Variants in VCAN observed in about 807,000 individuals in gnomAD.
VCAN encodes the protein versican.
VCAN carries 44 observed loss-of-function variants against 245.5 expected under a neutral mutation model. The ratio of observed to expected loss-of-function variants is 0.18; its 90% CI spans 0.14 to 0.23. The LOEUF is 0.23. Ranked by LOEUF, VCAN falls within the 10% of genes least tolerant of loss-of-function variation. VCAN has a pLI of 1.00. For synonymous variants in VCAN, 1,413 were observed against 1,437.0 expected, an observed-to-expected ratio of 0.98 and a Z score of 0.38; for missense variants, 3,793 against 4,057.9, an observed-to-expected ratio of 0.93 and a Z score of 1.77.
At chr5:83,526,648 G>A (rs1028282435) in intron 7 of VCAN, among the ~76,000 whole-genome samples, 1 of 152,118 alleles carries the variant, frequency 6.6e-6, no homozygotes, top group African/African-American at 2.4e-5. Context: ...TCAAAAATTG[G>A]TCTGATTATC....
chr5:83,525,959 C>T (rs1385878237), intron 7 of VCAN, among the ~76,000 whole-genome samples: 9 of 149,590 alleles, frequency 6.0e-5, no homozygotes, highest in East Asian at 2.0e-4. Context: ...TTTTTTTTTG[C>T]GACGGAGTCT....
chr5:83,579,029 C>A (rs1029635602), intron 13 of VCAN, among the ~76,000 whole-genome samples: 4 of 151,780 alleles, frequency 2.6e-5, no homozygotes, highest in Admixed American at 6.6e-5. Context: ...CAAGCTTTAC[C>A]CTCATTTGCC....
rs147222712 is a variant in VCAN at position 83,580,770 on chromosome 5, G to A, written c.*336G>A. The A allele has an allele frequency of 2.4e-4, 85 of 347,308 alleles. No homozygotes were observed. The highest frequency in any genetic ancestry group is 1.7e-3 in the African/African-American group (78 of 47,178). The allele number at this position is 347,308 out of a possible 1,614,324, so 21.5% of individuals were successfully genotyped here. On this transcript the variant is annotated 3_prime_UTR_variant, in exon 15 of 15. Coordinates refer to ENST00000265077, the MANE Select transcript of VCAN (RefSeq NM_004385.5). ...GCTCAATTTCAGCACCGATGGCCATGTAAATAAGATGATTTAATGTTGATT... is the reference window on the plus strand; with the variant it reads ...GCTCAATTTCAGCACCGATGGCCATATAAATAAGATGATTTAATGTTGATT...
At chr5:83,573,452 CG>C (rs1748366784) in intron 13 of VCAN, among the ~76,000 whole-genome samples, 3 of 151,926 alleles carry the variant, frequency 2.0e-5, no homozygotes, top group Admixed American at 6.6e-5. Flanking sequence ...TATGTGAGTC[CG>C]TGTCCCAATC....
In VCAN at chr5:83,541,226, G is replaced by A. The variant is rs762244250; in HGVS notation, c.8223G>A (p.Leu2741=). The change falls in exon 8 of 15, where the codon TTG becomes TTA. Residue 2741 remains leucine (L), a synonymous_variant. Transcript: ENST00000265077. ...IADQSEIIPT[L]GQFERTQEEY... is the part of the protein sequence containing the mutation. The stretch of plus-strand genomic sequence containing the variant: ...ACCAAAGTGAAATAATACCAACATT[G>A]GGCCAATTTGAAAGGACTCAGGAGG... The A allele has an allele frequency of 5.6e-6, 9 of 1,613,736 alleles. No individual in the cohort carries two copies. Among genetic ancestry groups the A allele is most frequent in the Non-Finnish European group, 7.6e-6 (9 of 1,179,992 alleles).
intron 12 of VCAN, among the ~76,000 whole-genome samples, chr5:83,557,873 A>C (rs16900582): frequency 0.03 from 4,626 of 152,240 alleles, 75 homozygotes; most frequent in Middle Eastern, 0.068. Context: ...CCTCAGTTTG[A>C]AGAAGACACA....
intron 7 of VCAN, chr5:83,536,074 T>C (rs975116307): frequency 2.6e-5 from 4 of 152,180 alleles, no homozygotes; most frequent in African/African-American, 9.7e-5. Flanking sequence ...GAAAAGGCCA[T>C]TGAGCTTAGT....
At chr5:83,547,540 T>A (rs1747276198) in intron 9 of VCAN, among the ~76,000 whole-genome samples, 1 of 152,100 alleles carries the variant, frequency 6.6e-6, no homozygotes, top group South Asian at 2.1e-4. Context: ...CTAGGGATGG[T>A]GAGGCCAGTT....
intron 13 of VCAN, among the ~76,000 whole-genome samples, chr5:83,576,873 G>A (rs1476441965): frequency 6.6e-6 from 1 of 151,946 alleles, no homozygotes; most frequent in Non-Finnish European, 1.5e-5. Flanking sequence ...CTTTTGTAAA[G>A]TTTCTGTTCA....
Position 83,473,590 on chromosome 5 carries a change from C to T in VCAN, c.-7+1567C>T, listed in dbSNP as rs116163138. Among the ~76,000 whole-genome samples, 1,504 of 152,284 alleles carry T rather than the reference C, an allele frequency of 9.9e-3. 14 individuals carry two copies. Among genetic ancestry groups the T allele is most frequent in the African/African-American group, 0.032 (1,344 of 41,556 alleles). The stretch of plus-strand genomic sequence containing the variant: ...TGGCTAGTGTGAAATCCCTGCCTTT[C>T]CCGTGCTCCAAGGCAGCAGGGAGGG... On this transcript the variant is annotated intron_variant, in intron 1 of 14. Transcript: ENST00000265077.
At chr5:83,533,696 A>G (rs1332657174) in intron 7 of VCAN, among the ~76,000 whole-genome samples, 2 of 152,128 alleles carry the variant, frequency 1.3e-5, no homozygotes, top group African/African-American at 2.4e-5. Context: ...TGTGATTGAA[A>G]CATTATCATA....
intron 13 of VCAN, among the ~76,000 whole-genome samples, chr5:83,573,099 C>T (rs545990947): frequency 1.3e-4 from 19 of 151,840 alleles, no homozygotes; most frequent in African/African-American, 1.7e-4. Flanking sequence ...GGGGTTTCAC[C>T]GTGTTAGCCA....
At chr5:83,524,678 A>G (rs1022774395) in intron 7 of VCAN, among the ~76,000 whole-genome samples, 4 of 152,026 alleles carry the variant, frequency 2.6e-5, no homozygotes, top group African/African-American at 9.7e-5. Context: ...AAGTTTACTC[A>G]CCTCTAACTG....
At chr5:83,567,543 A>G (rs959826689) in intron 12 of VCAN, among the ~76,000 whole-genome samples, 1 of 151,866 alleles carries the variant, frequency 6.6e-6, no homozygotes, top group Admixed American at 6.6e-5. Context: ...CTCGTGATCC[A>G]CCCGCCTCAG....
intron 1 of VCAN, among the ~76,000 whole-genome samples, chr5:83,474,466 A>T (rs1386262102): frequency 6.6e-6 from 1 of 152,160 alleles, no homozygotes; most frequent in Non-Finnish European, 1.5e-5. Flanking sequence ...GAACTAGACA[A>T]GCGGAGGTGG....
chr5:83,493,037 C>A (rs574103585), intron 3 of VCAN, among the ~76,000 whole-genome samples: 8 of 152,334 alleles, frequency 5.3e-5, no homozygotes, highest in African/African-American at 1.7e-4. Flanking sequence ...AGTACATTGT[C>A]TCTGAAGGTA....
intron 13 of VCAN, among the ~76,000 whole-genome samples, chr5:83,577,041 T>C (rs1561278661): frequency 6.6e-6 from 1 of 152,194 alleles, no homozygotes; most frequent in South Asian, 2.1e-4. Flanking sequence ...TACCTTATGA[T>C]ATTTTCTGAT....
intron 7 of VCAN, among the ~76,000 whole-genome samples, chr5:83,526,229 C>T (rs1031844054): frequency 2.6e-5 from 4 of 152,124 alleles, no homozygotes; most frequent in African/African-American, 7.2e-5. Context: ...TGAGCCACTG[C>T]GCCCAGCCAA....
rs940274314 is a variant in VCAN at position 83,582,131 on chromosome 5, C to T, written c.*1697C>T. The T allele has an allele frequency of 6.6e-6, 1 of 152,010 alleles. No homozygotes were observed. Among genetic ancestry groups the T allele is most frequent in the Non-Finnish European group, 1.5e-5 (1 of 67,972 alleles). The allele number at this position is 152,010 out of a possible 1,614,324, so 9.4% of individuals were successfully genotyped here. On this transcript the variant is annotated 3_prime_UTR_variant, in exon 15 of 15. Transcript: ENST00000265077. The stretch of plus-strand genomic sequence containing the variant: ...AACACTGTGTTGATCTAGTAGGTTT[C>T]TATTTTTCCTTTCTCTTTACAATGC...
Sources: gnomAD v4.1 joint callset for allele counts (sites outside exome capture counted in the v4.1 genomes callset) on GRCh38, gnomAD v4.1.1 for gene constraint, MANE v1.5 for transcripts, NCBI Gene and HGNC (gene_info 2026-07-23, HGNC 2026-07-21) for gene names.